PCDH12: variants seen among roughly 807,000 people sequenced by gnomAD.
The protein encoded by PCDH12 is protocadherin 12.
In PCDH12, 45 loss-of-function variants were observed where a neutral mutation model predicts 70.9. That is an observed-to-expected ratio of 0.63 (90% CI 0.50 to 0.81). The LOEUF (loss-of-function observed/expected upper bound fraction) is 0.81. PCDH12 is among the 40% of genes least tolerant of loss of function. The pLI is 0.00. For synonymous variants in PCDH12, 567 were observed against 626.0 expected, an observed-to-expected ratio of 0.91 and a Z score of 1.41; for missense variants, 1,370 against 1,491.7, an observed-to-expected ratio of 0.92 and a Z score of 1.34.
chr5:141,950,412 T>C (rs77913456), intron 2 of PCDH12, among the ~76,000 whole-genome samples: 11 of 152,274 alleles, frequency 7.2e-5, no homozygotes, highest in Non-Finnish European at 1.2e-4. Flanking sequence ...GTGTGGGTGA[T>C]AATGACAACT....
At position 141,957,587 on chromosome 5, in the gene PCDH12, C is replaced by T. The variant is rs1033768752; in HGVS notation, c.265G>A (p.Gly89Ser). 1.9e-6 allele frequency: 3 copies of T among 1,614,104 alleles called. No individual in the cohort carries two copies. In the African/African-American group the frequency reaches 4.0e-5, roughly 22 times the overall value. ...VDSEEGLLST[G>S]RRLDREQLCR... Reference sequence around the variant, plus strand: ...AGCTGCTCTCGATCCAGCCGCCTGCCTGTGCTGAGCAAGCCTTCCTCAGAG... The same window carrying T: ...AGCTGCTCTCGATCCAGCCGCCTGCTTGTGCTGAGCAAGCCTTCCTCAGAG... Residue 89 changes from glycine (G) to serine (S), a missense_variant, in exon 1 of 4, where the codon GGC becomes AGC. Transcript: ENST00000231484. The surrounding 1 kb of genome is among the most constrained non-coding windows in gnomAD (Gnocchi z 4.3).
Position 141,957,569 on chromosome 5 carries a change from C to T in PCDH12, c.283G>A (p.Glu95Lys), listed in dbSNP as rs778240954. Reference protein sequence around the residue: ...LLSTGRRLDREQLCRQWDPCL... With the variant: ...LLSTGRRLDRKQLCRQWDPCL... ...GGATCCCACTGTCGGCACAGCTGCT[C>T]TCGATCCAGCCGCCTGCCTGTGCTG... The change falls in exon 1 of 4, where the codon GAG becomes AAG. Residue 95 changes from glutamate to lysine, a missense_variant. Transcript: ENST00000231484. The surrounding 1 kb of genome is among the most constrained non-coding windows in gnomAD (Gnocchi z 4.3). 7 of 1,614,214 alleles carry T rather than the reference C, an allele frequency of 4.3e-6. No homozygotes were observed. In the East Asian group the frequency reaches 1.6e-4, roughly 36 times the overall value.
At chr5:141,948,078 C>T (rs1432755656) in intron 3 of PCDH12, among the ~76,000 whole-genome samples, 1 of 152,128 alleles carries the variant, frequency 6.6e-6, no homozygotes, top group African/African-American at 2.4e-5. Flanking sequence ...ATTTAAATAG[C>T]CACTTGTCGC....
At position 141,956,030 on chromosome 5, in the gene PCDH12, G is replaced by A; in HGVS notation, c.1822C>T (p.Leu608=). Residue 608 remains leucine, a synonymous_variant, in exon 1 of 4, where the codon CTG becomes TTG. Coordinates refer to ENST00000231484, the MANE Select transcript of PCDH12 (RefSeq NM_016580.4). ...AATGGCCGGGAGCTGTGAGTGGCCAGTGGAGGTGTGTCAGTGCCCGCTGGG... is the reference window on the plus strand; with the variant it reads ...AATGGCCGGGAGCTGTGAGTGGCCAATGGAGGTGTGTCAGTGCCCGCTGGG... ...LGPAGTDTPP[L]ATHSSRPFLL... 1 of 1,614,176 alleles carries A rather than the reference G, an allele frequency of 6.2e-7. No individual in the cohort carries two copies. Among genetic ancestry groups the A allele is most frequent in the Non-Finnish European group, 8.5e-7 (1 of 1,180,034 alleles).
In PCDH12 at chr5:141,955,070, G is replaced by T. The variant is rs1470356978; in HGVS notation, c.2782C>A (p.Pro928Thr). 6.2e-7 allele frequency: 1 copy of T among 1,614,248 alleles called. No homozygotes were observed. The highest frequency in any genetic ancestry group is 1.3e-5 in the African/African-American group (1 of 75,058). Reference protein sequence around the residue: ...GKVSPEKESGPRQILRSLVRL... With the variant: ...GKVSPEKESGTRQILRSLVRL... ...ACCAGGCTCCGCAGGATCTGACGGG[G>T]CCCTGATTCTTTCTCAGGGGACACT... is the stretch of plus-strand genomic sequence containing the variant. Residue 928 changes from proline to threonine, a missense_variant, in exon 1 of 4, where the codon CCC becomes ACC. Coordinates refer to ENST00000231484, the MANE Select transcript of PCDH12 (RefSeq NM_016580.4). The surrounding 1 kb of genome is among the most constrained non-coding windows in gnomAD (Gnocchi z 5.5).
chr5:141,944,442 A>T lies in PCDH12; in HGVS notation c.*939T>A, dbSNP rs951825395. Reference sequence around the variant, plus strand: ...TTCCCGAGGGAGCTCGAGCAAGTTCACTGCTGCCAACAGCTCACCTCCAGG... The same window carrying T: ...TTCCCGAGGGAGCTCGAGCAAGTTCTCTGCTGCCAACAGCTCACCTCCAGG... On this transcript the variant is annotated 3_prime_UTR_variant, in exon 4 of 4. Transcript: ENST00000231484. 1 of 152,252 alleles carries T rather than the reference A, an allele frequency of 6.6e-6. No homozygotes were observed. The highest frequency in any genetic ancestry group is 2.4e-5 in the African/African-American group (1 of 41,460). The allele number at this position is 152,252 out of a possible 1,614,324, so 9.4% of individuals were successfully genotyped here.
Position 141,955,217 on chromosome 5 carries a change from G to T in PCDH12, c.2635C>A (p.Pro879Thr), listed in dbSNP as rs61737138. 6.2e-6 allele frequency: 10 copies of T among 1,614,082 alleles called. No homozygotes were observed. Among genetic ancestry groups the T allele is most frequent in the Non-Finnish European group, 7.6e-6 (9 of 1,180,042 alleles). ...GTGGGGCTGCCTGCAACCTTCAGAG[G>T]CCTGGAACGTGGCTGGCCTGTGGCA... ...QPATGQPRSR[P>T]LKVAGSPTGR... Residue 879 changes from proline to threonine, a missense_variant, in exon 1 of 4, where the codon CCT becomes ACT. By Grantham distance (38) the Pro-to-Thr change is conservative. Transcript: ENST00000231484. The surrounding 1 kb of genome is among the most constrained non-coding windows in gnomAD (Gnocchi z 5.5).
rs1448999634 is a variant in PCDH12 at position 141,955,202 on chromosome 5, C to T, written c.2650G>A (p.Gly884Ser). Residue 884 changes from glycine to serine, a missense_variant, in exon 1 of 4, where the codon GGC (glycine) becomes AGC (serine). Physicochemically the swap from Gly to Ser is moderately conservative, Grantham distance 56. Transcript: ENST00000231484. The surrounding 1 kb of genome is among the most constrained non-coding windows in gnomAD (Gnocchi z 5.5). ...CCAGCCAGCCTCCCTGTGGGGCTGC[C>T]TGCAACCTTCAGAGGCCTGGAACGT... ...QPRSRPLKVAGSPTGRLAGDQ... is the reference protein window; with the variant it reads ...QPRSRPLKVASSPTGRLAGDQ... 1.9e-6 allele frequency: 3 copies of T among 1,614,126 alleles called. No homozygotes were observed. The highest frequency in any genetic ancestry group is 2.2e-5 in the East Asian group (1 of 44,902).
Position 141,957,543 on chromosome 5 carries a change from G to C in PCDH12, c.309C>G (p.Pro103=). Residue 103 remains proline (P), a synonymous_variant, in exon 1 of 4, where the codon CCC becomes CCG. Coordinates refer to ENST00000231484, the MANE Select transcript of PCDH12 (RefSeq NM_016580.4). The surrounding 1 kb of genome is among the most constrained non-coding windows in gnomAD (Gnocchi z 4.3). ...DREQLCRQWD[P]CLVSFDVLAT... ...CAAGCACATCAAAGGAAACCAGGCA[G>C]GGATCCCACTGTCGGCACAGCTGCT... 6.2e-7 allele frequency: 1 copy of C among 1,614,220 alleles called. No individual in the cohort carries two copies. The highest frequency in any genetic ancestry group is 2.2e-5 in the East Asian group (1 of 44,876).
rs147767001 is a variant in PCDH12 at position 141,956,607 on chromosome 5, A to G, written c.1245T>C (p.Asn415=). ...TNGNTYMLLT[N]ATLDREQWPK... ...GCCACTGCTCTCTGTCCAGTGTGGC[A>G]TTGGTTAGCAACATGTATGTGTTGC... The change falls in exon 1 of 4, where the codon AAT becomes AAC. Residue 415 remains asparagine, a synonymous_variant. Transcript: ENST00000231484. 11 of 1,614,072 alleles carry G rather than the reference A, an allele frequency of 6.8e-6. No individual in the cohort carries two copies. In the Admixed American group the frequency reaches 1.0e-4, roughly 15 times the overall value.
In PCDH12 at chr5:141,945,583, T is replaced by C; in HGVS notation, c.3353A>G (p.Glu1118Gly). The C allele has an allele frequency of 6.2e-7, 1 of 1,614,112 alleles. No homozygotes were observed. The highest frequency in any genetic ancestry group is 8.5e-7 in the Non-Finnish European group (1 of 1,180,032). Residue 1118 changes from glutamate to glycine, a missense_variant, in exon 4 of 4, where the codon GAG (glutamate) becomes GGG (glycine). Glu to Gly is a moderately conservative substitution (Grantham distance 98). Coordinates refer to ENST00000231484, the MANE Select transcript of PCDH12 (RefSeq NM_016580.4). ...GCTGGAGCGCTGTTCCAGCAGCATC[T>C]CCAGCAGTGAGCTCATCTCCGAGAC... ...TFVSEMSSLL[E>G]MLLEQRSSMP...
chr5:141,957,002 T>C lies in PCDH12; in HGVS notation c.850A>G (p.Ser284Gly), dbSNP rs78397925. ...GPNGEVEFFL[S>G]KHMPPEVLDT... Reference sequence around the variant, plus strand: ...AGCACCTCTGGAGGCATGTGCTTACTGAGGAAGAACTCCACCTCCCCATTG... The same window carrying C: ...AGCACCTCTGGAGGCATGTGCTTACCGAGGAAGAACTCCACCTCCCCATTG... The change falls in exon 1 of 4, where the codon AGT becomes GGT. Residue 284 changes from serine to glycine, a missense_variant. Physicochemically the swap from Ser to Gly is moderately conservative, Grantham distance 56. Transcript: ENST00000231484. This position sits in a 1 kb window ranked among gnomAD's most constrained non-coding sequence, Gnocchi z 4.3. 8,898 of 1,614,200 alleles carry C rather than the reference T, an allele frequency of 5.5e-3. 29 individuals carry two copies. The highest frequency in any genetic ancestry group is 6.4e-3 in the Non-Finnish European group (7,594 of 1,180,036).
chr5:141,956,046 G>C lies in PCDH12; in HGVS notation c.1806C>G (p.Gly602=). The C allele has an allele frequency of 6.2e-7, 1 of 1,614,138 alleles. No homozygotes were observed. Among genetic ancestry groups the C allele is most frequent in the Non-Finnish European group, 8.5e-7 (1 of 1,180,022 alleles). Residue 602 remains glycine, a synonymous_variant, in exon 1 of 4, where the codon GGC becomes GGG. Coordinates refer to ENST00000231484, the MANE Select transcript of PCDH12 (RefSeq NM_016580.4). ...GAGTGGCCAGTGGAGGTGTGTCAGT[G>C]CCCGCTGGGCCCAAGCCATTGGGAG... is the stretch of plus-strand genomic sequence containing the variant. ...IETPNGLGPA[G]TDTPPLATHS... is the part of the protein sequence containing the mutation.
In PCDH12 at chr5:141,945,624, C is replaced by A. The variant is rs774912576; in HGVS notation, c.3312G>T (p.Arg1104Ser). ...TCTCCGAGACAAAGGTGCTGGCCAG[C>A]CTCGTGCCTGTTGGGCTCAGCTCTG... ...EAPELSPTGT[R>S]LASTFVSEMS... The change falls in exon 4 of 4, where the codon AGG (arginine) becomes AGT (serine). Residue 1104 changes from arginine to serine, a missense_variant. Coordinates refer to ENST00000231484, the MANE Select transcript of PCDH12 (RefSeq NM_016580.4). 1.2e-6 allele frequency: 2 copies of A among 1,614,210 alleles called. No homozygotes were observed. The highest frequency in any genetic ancestry group is 2.7e-5 in the African/African-American group (2 of 75,066).
At chr5:141,950,124 C>G (rs1413369155) in intron 2 of PCDH12, among the ~76,000 whole-genome samples, 1 of 152,158 alleles carries the variant, frequency 6.6e-6, no homozygotes, top group East Asian at 1.9e-4. Flanking sequence ...CTACTTTAGG[C>G]CAAATCCTAG....
rs1238710844 is a variant in PCDH12, at chr5:141,945,647, C to T, written c.3289G>A (p.Glu1097Lys). The T allele has an allele frequency of 2.5e-6, 4 of 1,614,114 alleles. No individual in the cohort carries two copies. The highest frequency in any genetic ancestry group is 3.4e-6 in the Non-Finnish European group (4 of 1,180,050). Residue 1097 changes from glutamate to lysine, a missense_variant, in exon 4 of 4, where the codon GAG becomes AAG. Coordinates refer to ENST00000231484, the MANE Select transcript of PCDH12 (RefSeq NM_016580.4). ...AGCCTCGTGCCTGTTGGGCTCAGCT[C>T]TGGTGCCTCTGCCTTGCCGAACGTC... ...FQTFGKAEAP[E>K]LSPTGTRLAS...
At position 141,956,906 on chromosome 5, in the gene PCDH12, G is replaced by C. The variant is rs754081248; in HGVS notation, c.946C>G (p.Pro316Ala). ...LRRPLDYEKNPAYEVDVQARD... is the reference protein window; with the variant it reads ...LRRPLDYEKNAAYEVDVQARD... Reference sequence around the variant, plus strand: ...GCCTGAACATCCACCTCGTAGGCAGGGTTCTTTTCATAGTCTAGAGGTCGA... The same window carrying C: ...GCCTGAACATCCACCTCGTAGGCAGCGTTCTTTTCATAGTCTAGAGGTCGA... Residue 316 changes from proline to alanine, a missense_variant, in exon 1 of 4, where the codon CCT becomes GCT. Physicochemically the swap from Pro to Ala is conservative, Grantham distance 27. Transcript: ENST00000231484. The C allele has an allele frequency of 1.2e-6, 2 of 1,614,034 alleles. No individual in the cohort carries two copies. Among genetic ancestry groups the C allele is most frequent in the Admixed American group, 1.7e-5 (1 of 60,006 alleles).
In PCDH12 at chr5:141,957,943, C is replaced by A; in HGVS notation, c.-92G>T. 1 of 1,434,902 alleles carries A rather than the reference C, an allele frequency of 7.0e-7. No homozygotes were observed. The highest frequency in any genetic ancestry group is 9.4e-7 in the Non-Finnish European group (1 of 1,069,086). 88.9% of individuals were successfully genotyped at this position (1,434,902 alleles called of 1,614,324 possible). ...GTGTTTCCTGGATGGCTTGATCAGC[C>A]CCGTGCTCCTTCCCCCAGAGCTGCC... On this transcript the variant is annotated 5_prime_UTR_variant, in exon 1 of 4. Transcript: ENST00000231484. The surrounding 1 kb of genome is among the most constrained non-coding windows in gnomAD (Gnocchi z 4.3).
Position 141,957,234 on chromosome 5 carries a change from G to A in PCDH12, c.618C>T (p.Ile206=), listed in dbSNP as rs756789441. 1.2e-5 allele frequency: 20 copies of A among 1,614,158 alleles called. No homozygotes were observed. The highest frequency in any genetic ancestry group is 1.7e-5 in the Non-Finnish European group (20 of 1,180,034). Residue 206 remains isoleucine (I), a synonymous_variant, in exon 1 of 4, where the codon ATC becomes ATT. Coordinates refer to ENST00000231484, the MANE Select transcript of PCDH12 (RefSeq NM_016580.4). The surrounding 1 kb of genome is among the most constrained non-coding windows in gnomAD (Gnocchi z 4.3). Reference sequence around the variant, plus strand: ...TTAACACCAGATCAAAAAATGAATGGATTTCCCTGTCCAGCTCCTTCACCA... The same window carrying A: ...TTAACACCAGATCAAAAAATGAATGAATTTCCCTGTCCAGCTCCTTCACCA... ...LIVVKELDRE[I]HSFFDLVLTA... is the part of the protein sequence containing the mutation.
Sources: allele counts gnomAD v4.1 joint callset (sites outside exome capture counted in the v4.1 genomes callset), GRCh38; gene constraint gnomAD v4.1.1; non-coding constraint Gnocchi (gnomAD v3.1); transcripts MANE v1.5; gene names NCBI Gene and HGNC (gene_info 2026-07-23, HGNC 2026-07-21).